Variants in PDE9A observed in about 807,000 individuals in gnomAD.
The protein encoded by PDE9A is phosphodiesterase 9A.
In PDE9A, 60 loss-of-function variants were observed where a neutral mutation model predicts 87.4. That is an observed-to-expected ratio of 0.69 (90% confidence interval 0.56 to 0.85). PDE9A has a LOEUF of 0.85. Among genes scored for constraint, PDE9A ranks in the 40% least tolerant of loss-of-function variants. The pLI is 0.00. For missense variants in PDE9A, 665 were observed against 779.0 expected, an observed-to-expected ratio of 0.85 and a Z score of 1.74; for synonymous variants, 272 against 279.4, an observed-to-expected ratio of 0.97 and a Z score of 0.27.
intron 9 of PDE9A, 27 bp from the exon 10 acceptor site, chr21:42,753,963 T>A: frequency 6.8e-7 from 1 of 1,481,420 alleles, no homozygotes; most frequent in South Asian, 1.1e-5. Context: ...CGGCGCCTGG[T>A]TAACACGGAA....
intron 7 of PDE9A, among the ~76,000 whole-genome samples, chr21:42,735,369 C>A (rs966997691): frequency 6.6e-6 from 1 of 152,236 alleles, no homozygotes; most frequent in South Asian, 2.1e-4. Flanking sequence ...GCAGGCCCCA[C>A]GAAGGGAGGC....
chr21:42,768,847 G>C (rs981973700), intron 16 of PDE9A, 180 bp from the exon 17 acceptor site: 14 of 985,102 alleles, frequency 1.4e-5, no homozygotes, highest in Non-Finnish European at 1.4e-5. Context: ...AGACCTGCAC[G>C]CCCAGCTCTG....
In PDE9A at chr21:42,653,736, G is replaced by GCCCCCCCCCCCCCCCCC; in HGVS notation, c.-78_-77insCCCCCCCCCCCCCCCCC. The GCCCCCCCCCCCCCCCCC allele has an allele frequency of 2.7e-6, 1 of 369,124 alleles. No individual in the cohort carries two copies. Among genetic ancestry groups the GCCCCCCCCCCCCCCCCC allele is most frequent in the African/African-American group, 2.9e-5 (1 of 35,080 alleles). 22.9% of individuals were successfully genotyped at this position (369,124 alleles called of 1,614,324 possible). A position where few individuals can be genotyped will look rare whatever the true frequency, so the allele number is the denominator to read the frequency against. On this transcript the variant is annotated 5_prime_UTR_variant, in exon 1 of 20. Transcript: ENST00000291539. Reference sequence around the variant, plus strand: ...CCGCCCCCCGCCCGCCCCCTCCCCTGCTCCCCTCCCCCGCCTCCCGCGGCG... The same window carrying GCCCCCCCCCCCCCCCCC: ...CCGCCCCCCGCCCGCCCCCTCCCCTGCCCCCCCCCCCCCCCCCCTCCCCTCCCCCGCCTCCCGCGGCG...
intron 10 of PDE9A, among the ~76,000 whole-genome samples, chr21:42,754,541 G>A (rs1456118338): frequency 4.6e-5 from 7 of 152,240 alleles, no homozygotes; most frequent in Non-Finnish European, 8.8e-5. Context: ...GTGGGATTCC[G>A]GGAACTGTGT....
At chr21:42,668,895 T>TCCCCCCCCCCCCCCC (rs1229611821) in intron 1 of PDE9A, among the ~76,000 whole-genome samples, 12 of 99,648 alleles carry the variant, frequency 1.2e-4, no homozygotes, top group African/African-American at 5.0e-4. Flanking sequence ...AGCTGCTCCC[T>TCCCCCCCCCCCCCCC]CCACCCCCCG....
At chr21:42,669,634 A>G (rs1193515920) in intron 1 of PDE9A, among the ~76,000 whole-genome samples, 1 of 152,154 alleles carries the variant, frequency 6.6e-6, no homozygotes, top group East Asian at 1.9e-4. Context: ...GAATCAGCAG[A>G]CTGAGGCTGG....
chr21:42,769,694 A>G (rs2056838540), intron 17 of PDE9A, among the ~76,000 whole-genome samples: 1 of 45,378 alleles, frequency 2.2e-5, no homozygotes, highest in Non-Finnish European at 4.0e-5. Context: ...GCACACACAT[A>G]CACACATGCA....
At chr21:42,754,206 G>A in intron 10 of PDE9A, 142 bp downstream of exon 10, 1 of 595,278 alleles carries the variant, frequency 1.7e-6, no homozygotes, top group Admixed American at 3.0e-5. Flanking sequence ...AACAAAACTT[G>A]TTTTGCCAGG....
rs1472105822 is a variant in PDE9A at position 42,692,302 on chromosome 21, C to T, written c.218+4308C>T. Among the ~76,000 whole-genome samples, 1 of 152,122 alleles carries T rather than the reference C, an allele frequency of 6.6e-6. No homozygotes were observed. Among genetic ancestry groups the T allele is most frequent in the Non-Finnish European group, 1.5e-5 (1 of 68,034 alleles). Reference sequence around the variant, plus strand: ...GTCTGGAGACATTTCTGGATGTCACCAGGGGTAAGGGCCTGCTACTTGTAT... The same window carrying T: ...GTCTGGAGACATTTCTGGATGTCACTAGGGGTAAGGGCCTGCTACTTGTAT... On this transcript the variant is annotated intron_variant, in intron 3 of 19. Coordinates refer to ENST00000291539, the MANE Select transcript of PDE9A (RefSeq NM_002606.3). This position sits in a 1 kb window ranked among gnomAD's most constrained non-coding sequence, Gnocchi z 4.3.
rs78669491 is a variant in PDE9A, at chr21:42,724,254, C to T, written c.263-7516C>T. Among the ~76,000 whole-genome samples the T allele has an allele frequency of 3.4e-3, 518 of 152,318 alleles. 3 individuals carry two copies. Among genetic ancestry groups the T allele is most frequent in the African/African-American group, 0.012 (491 of 41,582 alleles). On this transcript the variant is annotated intron_variant, in intron 4 of 19. Transcript: ENST00000291539. ...GCAGGAAGGGGAGGTCAGAGGAAAA[C>T]TGGGGCCCTCAGTGGGCATCCGTGA... is the stretch of plus-strand genomic sequence containing the variant.
chr21:42,670,381 CACATTT>C (rs1569118142), intron 1 of PDE9A, among the ~76,000 whole-genome samples: 8 of 112,228 alleles, frequency 7.1e-5, no homozygotes, highest in African/African-American at 4.0e-4. Flanking sequence ...CACACACATT[CACATTT>C]ACATTCACAA....
chr21:42,768,298 A>C lies in PDE9A; in HGVS notation c.1461+6A>C. 1 of 1,508,276 alleles carries C rather than the reference A, an allele frequency of 6.6e-7. No homozygotes were observed. The highest frequency in any genetic ancestry group is 9.2e-7 in the Non-Finnish European group (1 of 1,083,664). The allele number at this position is 1,508,276 out of a possible 1,614,324, so 93.4% of individuals were successfully genotyped here. A position where few individuals can be genotyped will look rare whatever the true frequency, so the allele number is the denominator to read the frequency against. On this transcript the variant is annotated splice_donor_region_variant and intron_variant, in intron 16 of 19. Coordinates refer to ENST00000291539, the MANE Select transcript of PDE9A (RefSeq NM_002606.3). ...TAGAGGAATATTTTATGCAGGTAAG[A>C]GTCTTGCAGAGCAATCAAGCCTCCA...
At chr21:42,685,435 A>C (rs1484778804) in intron 1 of PDE9A, among the ~76,000 whole-genome samples, 2 of 144,644 alleles carry the variant, frequency 1.4e-5, no homozygotes, top group Non-Finnish European at 3.0e-5. Flanking sequence ...ATTCAGCCTC[A>C]GTCCCTCAGT....
intron 1 of PDE9A, among the ~76,000 whole-genome samples, chr21:42,677,232 C>T (rs569053951): frequency 3.3e-5 from 5 of 152,326 alleles, no homozygotes; most frequent in Admixed American, 2.6e-4. Flanking sequence ...TTCAGAGAAG[C>T]TCTGTAAAAA....
chr21:42,668,511 G>C (rs1199209850), intron 1 of PDE9A, among the ~76,000 whole-genome samples: 1 of 152,224 alleles, frequency 6.6e-6, no homozygotes. Flanking sequence ...TGCCCCGTGA[G>C]AGTCCTGTGT....
At chr21:42,765,526 C>A in intron 15 of PDE9A, 32 bp downstream of exon 15, 1 of 1,264,220 alleles carries the variant, frequency 7.9e-7, no homozygotes, top group Non-Finnish European at 1.2e-6. Context: ...GGTGGGCAGC[C>A]AGGCGGTGGG....
chr21:42,718,392 TTTCTCACTAATGACC>T (rs1318900808), intron 4 of PDE9A, among the ~76,000 whole-genome samples: 4 of 151,874 alleles, frequency 2.6e-5, no homozygotes, highest in African/African-American at 4.8e-5. Flanking sequence ...TGTGCCATTC[TTTCTCACTAATGACC>T]TGTATGTTAG....
At chr21:42,754,135 AC>A (rs1207449325) in intron 10 of PDE9A, 71 bp downstream of exon 10, 1 of 816,606 alleles carries the variant, frequency 1.2e-6, no homozygotes, top group African/African-American at 1.8e-5. Flanking sequence ...CAGTGGGACC[AC>A]CCCCATCGCT....
intron 9 of PDE9A, 82 bp downstream of exon 9, chr21:42,751,279 C>T (rs1206265563): frequency 7.0e-6 from 7 of 1,001,704 alleles, no homozygotes; most frequent in African/African-American, 1.6e-5. Flanking sequence ...CGGCCAGACC[C>T]TGCTGTGTGT....
Sources: gnomAD v4.1 joint callset for allele counts (sites outside exome capture counted in the v4.1 genomes callset) on GRCh38, gnomAD v4.1.1 for gene constraint, Gnocchi (gnomAD v3.1) non-coding constraint, MANE v1.5 for transcripts, NCBI Gene and HGNC (gene_info 2026-07-23, HGNC 2026-07-21) for gene names.